Variants in C1QTNF3 observed in about 807,000 individuals in gnomAD.
C1QTNF3 encodes C1q and TNF related 3.
In C1QTNF3, 26 loss-of-function variants were observed where a neutral mutation model predicts 32.6. That is an observed-to-expected ratio of 0.80 (90% CI 0.58 to 1.11). The LOEUF is 1.11. Among genes scored for constraint, C1QTNF3 ranks in the 50% least tolerant of loss-of-function variants. The probability of loss-of-function intolerance (pLI) is 0.00; values close to 1 mark genes in which losing one functional copy is unlikely to be tolerated. For missense variants in C1QTNF3, 362 were observed against 398.2 expected (o/e 0.91, Z 0.77); for synonymous variants, 155 against 146.0 (o/e 1.06, Z -0.44).
the C1QTNF3 span, among the ~76,000 whole-genome samples, chr5:34,143,398 G>A: frequency 1.1e-4 from 17 of 152,234 alleles, no homozygotes; most frequent in South Asian, 2.7e-3. Flanking sequence ...TCTTGCTAGC[G>A]AAATTGACTT....
chr5:34,232,282 G>T, the C1QTNF3 span, among the ~76,000 whole-genome samples: 134 of 152,270 alleles, frequency 8.8e-4, no homozygotes, highest in Non-Finnish European at 1.7e-3. Flanking sequence ...GAAGGGATTT[G>T]CCTTGTCTCA....
upstream of C1QTNF3, among the ~76,000 whole-genome samples, chr5:34,046,436 T>TA (rs746870624): frequency 1.8e-4 from 28 of 152,192 alleles, no homozygotes; most frequent in Non-Finnish European, 3.7e-4. Flanking sequence ...AGGGAGAACT[T>TA]AGACACAGAG....
chr5:34,038,691 C>T (rs1754799077), intron 1 of C1QTNF3, among the ~76,000 whole-genome samples: 1 of 152,172 alleles, frequency 6.6e-6, no homozygotes, highest in African/African-American at 2.4e-5. Context: ...GGAGTCATCA[C>T]AAGGCTCAGA....
At chr5:34,123,224 G>T in the C1QTNF3 span, among the ~76,000 whole-genome samples, 1 of 152,098 alleles carries the variant, frequency 6.6e-6, no homozygotes, top group Admixed American at 6.5e-5. Context: ...AGCCATGGGG[G>T]CAAGGCTGCC....
chr5:34,168,926 A>T, the C1QTNF3 span: 1 of 152,142 alleles, frequency 6.6e-6, no homozygotes, highest in African/African-American at 2.4e-5. Flanking sequence ...AGGAGGTGAA[A>T]TCCTTTGGGA....
chr5:34,195,607 C>A, the C1QTNF3 span, among the ~76,000 whole-genome samples: 1 of 152,064 alleles, frequency 6.6e-6, no homozygotes, highest in African/African-American at 2.4e-5. Context: ...TTTGGGAGGC[C>A]GAGGCGGGTG....
chr5:34,114,681 C>T, the C1QTNF3 span, among the ~76,000 whole-genome samples: 3 of 151,976 alleles, frequency 2.0e-5, no homozygotes, highest in Non-Finnish European at 4.4e-5. Flanking sequence ...ATTTCAAATG[C>T]TCAGTTTTAT....
the C1QTNF3 span, among the ~76,000 whole-genome samples, chr5:34,236,597 G>GAGTTTCACTGTT: frequency 3.8e-5 from 3 of 78,050 alleles, no homozygotes; most frequent in Admixed American, 5.3e-4. Context: ...TTTTTTTGAG[G>GAGTTTCACTGTT]AGTTTCACTG....
At chr5:34,112,205 GC>G in the C1QTNF3 span, among the ~76,000 whole-genome samples, 2 of 151,984 alleles carry the variant, frequency 1.3e-5, no homozygotes, top group African/African-American at 4.8e-5. Flanking sequence ...TATATTATAG[GC>G]CATGGACAGA....
the C1QTNF3 span, among the ~76,000 whole-genome samples, chr5:34,090,639 G>A: frequency 6.6e-6 from 1 of 152,142 alleles, no homozygotes; most frequent in African/African-American, 2.4e-5. Flanking sequence ...AAACCTTATC[G>A]CCAGTGATGA....
At chr5:34,070,694 A>T in the C1QTNF3 span, among the ~76,000 whole-genome samples, 1 of 83,832 alleles carries the variant, frequency 1.2e-5, no homozygotes, top group Non-Finnish European at 2.6e-5. Context: ...AAATTAGGTG[A>T]TGAGGTTACT....
At chr5:34,065,805 A>G in the C1QTNF3 span, among the ~76,000 whole-genome samples, 25 of 152,218 alleles carry the variant, frequency 1.6e-4, no homozygotes, top group African/African-American at 6.0e-4. Flanking sequence ...CTTAAAACAG[A>G]GCTACCACTT....
chr5:34,161,923 G>GTT, the C1QTNF3 span, among the ~76,000 whole-genome samples: 1 of 151,968 alleles, frequency 6.6e-6, no homozygotes, highest in Admixed American at 6.6e-5. Flanking sequence ...TCTCCTTTGG[G>GTT]TACAACCATT....
chr5:34,159,242 G>A, the C1QTNF3 span, among the ~76,000 whole-genome samples: 5 of 151,964 alleles, frequency 3.3e-5, no homozygotes, highest in Admixed American at 2.0e-4. Flanking sequence ...CATTAATCAC[G>A]ATTTAAAAAA....
chr5:34,081,507 G>A, the C1QTNF3 span, among the ~76,000 whole-genome samples: 1 of 151,604 alleles, frequency 6.6e-6, no homozygotes, highest in African/African-American at 2.4e-5. Context: ...TTATTGACAT[G>A]ATTCTTAATT....
chr5:34,031,608 C>T (rs1045643335), intron 3 of C1QTNF3, among the ~76,000 whole-genome samples: 4 of 151,882 alleles, frequency 2.6e-5, no homozygotes, highest in Non-Finnish European at 5.9e-5. Context: ...CGAGGCAGGC[C>T]GATCACTGGA....
the C1QTNF3 span, among the ~76,000 whole-genome samples, chr5:34,171,332 C>T: frequency 8.6e-5 from 13 of 150,868 alleles, no homozygotes; most frequent in South Asian, 2.1e-4. Context: ...CAAAAATTAA[C>T]GTTGTGAATA....
the C1QTNF3 span, among the ~76,000 whole-genome samples, chr5:34,129,684 A>T: frequency 6.6e-6 from 1 of 152,064 alleles, no homozygotes; most frequent in Non-Finnish European, 1.5e-5. Flanking sequence ...AGGCTGAATG[A>T]ACCTTTCTTT....
At chr5:34,079,996 T>A in the C1QTNF3 span, among the ~76,000 whole-genome samples, 6 of 151,740 alleles carry the variant, frequency 4.0e-5, no homozygotes, top group Admixed American at 2.6e-4. Flanking sequence ...AGTAAGTGCA[T>A]GGCATAGATT....
Sources: gnomAD v4.1 joint callset for allele counts (sites outside exome capture counted in the v4.1 genomes callset) on GRCh38, gnomAD v4.1.1 for gene constraint, MANE v1.5 for transcripts, NCBI Gene and HGNC (gene_info 2026-07-23, HGNC 2026-07-21) for gene names.